RBM4: variants seen among roughly 807,000 people sequenced by gnomAD.
RBM4 encodes the protein RNA-binding protein 4.
Under a neutral mutation model 29.5 loss-of-function variants are expected in RBM4, and 7 were observed. The ratio of observed to expected loss-of-function variants is 0.24; its 90% confidence interval spans 0.14 to 0.45. RBM4 has a LOEUF of 0.45. Among genes scored for constraint, RBM4 ranks in the 20% least tolerant of loss-of-function variants. The probability of loss-of-function intolerance (pLI) is 1.00; values close to 1 mark genes in which losing one functional copy is unlikely to be tolerated. For missense variants in RBM4, 387 were observed against 502.3 expected (o/e 0.77, Z 2.19); for synonymous variants, 220 against 205.4 (o/e 1.07, Z -0.61).
chr11:66,658,586 G>C (rs1035625293), intron 2 of RBM4, among the ~76,000 whole-genome samples: 5 of 151,920 alleles, frequency 3.3e-5, no homozygotes, highest in African/African-American at 1.2e-4. Flanking sequence ...GTGCTGTTCA[G>C]TGTGGTAGCC....
Position 66,640,030 on chromosome 11 carries a change from T to G in RBM4, c.319T>G (p.Cys107Gly). The stretch of plus-strand genomic sequence containing the variant: ...TGAGGAGTATGGTCCGGTCATCGAA[T>G]GTGACATCGTGAAAGATTATGCCTT... ...KFEEYGPVIE[C>G]DIVKDYAFVH... Residue 107 changes from cysteine (C) to glycine (G), a missense_variant, in exon 2 of 4, where the codon TGT becomes GGT. By Grantham distance (159) the Cys-to-Gly change is radical. This residue lies in a region of RBM4 where 106 missense variants were observed against 213.6 expected (regional missense o/e 0.50). Transcript: ENST00000310092. The G allele has an allele frequency of 6.2e-7, 1 of 1,614,188 alleles. No individual in the cohort carries two copies. Among genetic ancestry groups the G allele is most frequent in the Non-Finnish European group, 8.5e-7 (1 of 1,180,034 alleles).
chr11:66,663,730 A>G (rs491377), intron 2 of RBM4, among the ~76,000 whole-genome samples: 9,630 of 114,640 alleles, frequency 0.084, 515 homozygotes, highest in East Asian at 0.33. Flanking sequence ...GTGTGTGTGT[A>G]TATATGTTTT....
At chr11:66,649,839 A>C (rs1938788044), downstream of RBM4, 2 of 687,308 alleles carry the variant, frequency 2.9e-6, no homozygotes, top group Admixed American at 2.1e-5. Flanking sequence ...GGCCTCCCAG[A>C]GTTTTTGCAG....
At position 66,643,762 on chromosome 11, in the gene RBM4, A is replaced by G. The variant is rs1938569008; in HGVS notation, c.725A>G (p.Tyr242Cys). The G allele has an allele frequency of 3.7e-6, 6 of 1,613,890 alleles. No homozygotes were observed. Among genetic ancestry groups the G allele is most frequent in the African/African-American group, 2.7e-5 (2 of 74,876 alleles). ...GTGGCAGCTGCAGCTGCCTCCGTGT[A>G]TAATTACGCAGAGCAGACCCTGTCC... ...EAVAAAAASV[Y>C]NYAEQTLSQL... Residue 242 changes from tyrosine to cysteine, a missense_variant, in exon 3 of 4, where the codon TAT (tyrosine) becomes TGT (cysteine). By Grantham distance (194) the Tyr-to-Cys change is radical (BLOSUM62 -2). Coordinates refer to ENST00000310092, the MANE Select transcript of RBM4 (RefSeq NM_002896.4). This position sits in a 1 kb window ranked among gnomAD's most constrained non-coding sequence, Gnocchi z 6.1.
intron 2 of RBM4, chr11:66,640,343 T>G (rs1938388831): frequency 1.6e-6 from 1 of 642,616 alleles, no homozygotes; most frequent in African/African-American, 1.8e-5. Flanking sequence ...ACCTTTTATT[T>G]GGAGCCCCTA....
intron 2 of RBM4, among the ~76,000 whole-genome samples, chr11:66,642,379 T>C (rs1400410720): frequency 6.6e-6 from 1 of 152,256 alleles, no homozygotes; most frequent in Non-Finnish European, 1.5e-5. Flanking sequence ...GAATTTTGCT[T>C]ACCAGTAAGC....
chr11:66,665,321 AG>A (rs1426226322), intron 2 of RBM4: 1 of 517,722 alleles, frequency 1.9e-6, no homozygotes, highest in East Asian at 3.4e-5. Context: ...CACAGGAAAA[AG>A]GGGATGCCAG....
chr11:66,644,279 A>G (rs1938594131), intron 3 of RBM4, 139 bp downstream of exon 3: 2 of 1,226,186 alleles, frequency 1.6e-6, no homozygotes, highest in Non-Finnish European at 2.2e-6. Context: ...CAGGCTAGAG[A>G]GAAGTCCTAA....
At chr11:66,650,720 G>A (rs997160992), downstream of RBM4, among the ~76,000 whole-genome samples, 7 of 151,528 alleles carry the variant, frequency 4.6e-5, no homozygotes, top group Admixed American at 2.0e-4. Flanking sequence ...AAAGTTAGCC[G>A]GGCGTGGTGG....
chr11:66,643,083 A>AT lies in RBM4; in HGVS notation c.413-365dup, dbSNP rs1938537258. 6.6e-6 allele frequency among the ~76,000 whole-genome samples: 1 copy of AT among 152,112 alleles called. No homozygotes were observed. The highest frequency in any genetic ancestry group is 2.4e-5 in the African/African-American group (1 of 41,416). On this transcript the variant is annotated intron_variant, in intron 2 of 3. Transcript: ENST00000310092. The surrounding 1 kb of genome is among the most constrained non-coding windows in gnomAD (Gnocchi z 6.1). The stretch of plus-strand genomic sequence containing the variant: ...ATGAAAATCCATCTTGCTAGTAAGG[A>AT]TTGGAGGTGTCAGAAAAGACTTGGG...
At chr11:66,663,330 G>A (rs1939120818) in intron 2 of RBM4, among the ~76,000 whole-genome samples, 1 of 152,172 alleles carries the variant, frequency 6.6e-6, no homozygotes, top group Non-Finnish European at 1.5e-5. Flanking sequence ...AGCACCTTGG[G>A]AAGACAGACC....
intron 2 of RBM4, chr11:66,652,199 TCTC>T (rs1182239452): frequency 6.6e-6 from 1 of 151,964 alleles, no homozygotes; most frequent in East Asian, 1.9e-4. Flanking sequence ...TTCACACCAT[TCTC>T]CTGCCTCAGC....
At chr11:66,641,549 T>C (rs12804987) in intron 2 of RBM4, among the ~76,000 whole-genome samples, 1 of 152,232 alleles carries the variant, frequency 6.6e-6, no homozygotes, top group African/African-American at 2.4e-5. Flanking sequence ...TTTTGGACTG[T>C]TTCCCACACT....
chr11:66,651,809 C>T (rs1189089589), intron 2 of RBM4, among the ~76,000 whole-genome samples: 1 of 152,106 alleles, frequency 6.6e-6, no homozygotes, highest in Non-Finnish European at 1.5e-5. Context: ...CTTGAGTTTG[C>T]AAGGCAGGAA....
intron 2 of RBM4, among the ~76,000 whole-genome samples, chr11:66,658,190 G>A (rs971300207): frequency 2.0e-5 from 3 of 151,620 alleles, no homozygotes; most frequent in East Asian, 1.9e-4. Context: ...CACCACGCCC[G>A]TCTAATTTTG....
Position 66,643,311 on chromosome 11 carries a change from T to A in RBM4, c.413-139T>A. Reference sequence around the variant, plus strand: ...TCTATATGTTGAGTCTTTTTTTTTTTTCCTTTTTATCTTTTCCTAAAGATG... The same window carrying A: ...TCTATATGTTGAGTCTTTTTTTTTTATCCTTTTTATCTTTTCCTAAAGATG... On this transcript the variant is annotated intron_variant, in intron 2 of 3. Transcript: ENST00000310092. The surrounding 1 kb of genome is among the most constrained non-coding windows in gnomAD (Gnocchi z 6.1). 1 of 1,176,186 alleles carries A rather than the reference T, an allele frequency of 8.5e-7. No homozygotes were observed. The highest frequency in any genetic ancestry group is 3.1e-5 in the Admixed American group (1 of 32,080). The allele number at this position is 1,176,186 out of a possible 1,614,324, so 72.9% of individuals were successfully genotyped here.
chr11:66,656,091 C>T (rs1478016944), intron 2 of RBM4, among the ~76,000 whole-genome samples: 22 of 152,168 alleles, frequency 1.4e-4, no homozygotes, highest in Non-Finnish European at 1.5e-5. Context: ...CTTCCTCAGC[C>T]TCCTGAGTAG....
intron 2 of RBM4, among the ~76,000 whole-genome samples, chr11:66,656,224 C>T (rs964480332): frequency 6.6e-6 from 1 of 152,046 alleles, no homozygotes; most frequent in Non-Finnish European, 1.5e-5. Context: ...GCAAGCTCTA[C>T]CTCCTGGGTT....
chr11:66,668,116 A>C (rs1399900906), exon 3 of RBM4: 1 of 160,176 alleles, frequency 6.2e-6, no homozygotes, highest in Non-Finnish European at 1.4e-5. Flanking sequence ...CCACTACAGT[A>C]CTTCTGTAGT....
Sources: allele counts gnomAD v4.1 joint callset (sites outside exome capture counted in the v4.1 genomes callset), GRCh38; gene constraint gnomAD v4.1.1; regional missense constraint gnomAD v4.1.1; non-coding constraint Gnocchi (gnomAD v3.1); transcripts MANE v1.5; gene names NCBI Gene and HGNC (gene_info 2026-07-23, HGNC 2026-07-21).